Variants in CFI observed in about 807,000 individuals in gnomAD.
CFI encodes the protein C3B/C4B inactivator.
In CFI, 66 loss-of-function variants were observed where a neutral mutation model predicts 78.8. That is an observed-to-expected ratio of 0.84 (90% CI 0.69 to 1.03). The LOEUF (loss-of-function observed/expected upper bound fraction) is 1.03, where lower values mean the gene tolerates loss of function less well. CFI is among the 50% of genes least tolerant of loss of function. The pLI is 0.00. For synonymous variants in CFI, 250 were observed against 232.6 expected (o/e 1.07, Z -0.68); for missense variants, 706 against 704.5 (o/e 1.00, Z -0.02).
chr4:109,767,094 C>T (rs974362065), intron 1 of CFI, among the ~76,000 whole-genome samples: 57 of 152,296 alleles, frequency 3.7e-4, no homozygotes, highest in African/African-American at 1.3e-3. Flanking sequence ...AAAGCTGAAA[C>T]TGGATCCCTT....
intron 11 of CFI, among the ~76,000 whole-genome samples, chr4:109,743,921 G>A (rs1724116851): frequency 6.6e-6 from 1 of 152,002 alleles, no homozygotes; most frequent in African/African-American, 2.4e-5. Context: ...AGAGCTCAAG[G>A]TTGCAGTGAG....
At chr4:109,738,117 T>C (rs866284087), downstream of CFI, among the ~76,000 whole-genome samples, 1,044 of 149,796 alleles carry the variant, frequency 7.0e-3, 13 homozygotes, top group African/African-American at 0.025. Flanking sequence ...CTTTTCTTTT[T>C]TTTTTTTTTT....
At chr4:109,738,537 G>A (rs1431735127), downstream of CFI, among the ~76,000 whole-genome samples, 2 of 152,132 alleles carry the variant, frequency 1.3e-5, no homozygotes, top group Non-Finnish European at 2.9e-5. Flanking sequence ...CCTCCCTGCC[G>A]CCATCAAGAG....
intron 1 of CFI, among the ~76,000 whole-genome samples, chr4:109,778,365 A>G (rs1482087548): frequency 6.6e-6 from 1 of 152,230 alleles, no homozygotes; most frequent in African/African-American, 2.4e-5. Context: ...CTATGCAAAT[A>G]AACTAGAAAA....
chr4:109,797,724 C>T (rs183436234), intron 1 of CFI, among the ~76,000 whole-genome samples: 21 of 152,182 alleles, frequency 1.4e-4, no homozygotes, highest in Admixed American at 9.2e-4. Flanking sequence ...AGCCAAGAAC[C>T]AAATAGTCTA....
At chr4:109,751,443 T>TC (rs1253851306) in intron 8 of CFI, among the ~76,000 whole-genome samples, 1 of 141,720 alleles carries the variant, frequency 7.1e-6, no homozygotes. Context: ...TAAATCTTTT[T>TC]TTTTTTTTTT....
intron 1 of CFI, among the ~76,000 whole-genome samples, chr4:109,775,233 G>A (rs1012926419): frequency 1.3e-5 from 2 of 152,176 alleles, no homozygotes; most frequent in Non-Finnish European, 2.9e-5. Context: ...AGGGGTCAGG[G>A]AATTCCCTTT....
downstream of CFI, among the ~76,000 whole-genome samples, chr4:109,740,118 A>G (rs892917125): frequency 6.6e-6 from 1 of 152,010 alleles, no homozygotes; most frequent in Non-Finnish European, 1.5e-5. Context: ...TCAAAGCAAG[A>G]TGCCTCTCTA....
intron 7 of CFI, among the ~76,000 whole-genome samples, chr4:109,756,060 A>G (rs1164682216): frequency 1.3e-5 from 2 of 152,228 alleles, no homozygotes; most frequent in Admixed American, 6.5e-5. Context: ...TAAAAAATGT[A>G]TGCTTGCAAA....
intron 1 of CFI, among the ~76,000 whole-genome samples, chr4:109,773,682 T>C (rs1728870342): frequency 6.6e-6 from 1 of 151,858 alleles, no homozygotes; most frequent in Non-Finnish European, 1.5e-5. Context: ...GGGTGGGAGG[T>C]ATGTTAAATA....
chr4:109,757,687 C>T lies in CFI; in HGVS notation c.904+76G>A. On this transcript the variant is annotated intron_variant, in intron 7 of 12. Transcript: ENST00000394634. Reference sequence around the variant, plus strand: ...TCATATCATGCTCCATTAACAGTTACATTAAAATATAAGACCAAAGAACCT... The same window carrying T: ...TCATATCATGCTCCATTAACAGTTATATTAAAATATAAGACCAAAGAACCT... 7 of 964,478 alleles carry T rather than the reference C, an allele frequency of 7.3e-6. No individual in the cohort carries two copies. In the South Asian group the frequency reaches 1.0e-4, roughly 14 times the overall value. 59.7% of individuals were successfully genotyped at this position (964,478 alleles called of 1,614,324 possible). A position where few individuals can be genotyped will look rare whatever the true frequency, so the allele number is the denominator to read the frequency against.
intron 1 of CFI, among the ~76,000 whole-genome samples, chr4:109,799,580 G>A (rs1022387246): frequency 1.3e-5 from 2 of 152,212 alleles, no homozygotes; most frequent in African/African-American, 4.8e-5. Context: ...GAAATTGTAA[G>A]TGGAAAGGCC....
chr4:109,800,409 G>A (rs901802135), intron 1 of CFI, among the ~76,000 whole-genome samples: 1 of 121,646 alleles, frequency 8.2e-6, no homozygotes, highest in African/African-American at 3.1e-5. Context: ...AGAGCTCCCC[G>A]CAGCCTCAAA....
chr4:109,777,407 G>A (rs1729396333), intron 1 of CFI, among the ~76,000 whole-genome samples: 1 of 152,090 alleles, frequency 6.6e-6, no homozygotes, highest in African/African-American at 2.4e-5. Flanking sequence ...ATTGGTAAAG[G>A]GATCGATTCA....
chr4:109,742,670 C>T, intron 11 of CFI, 75 bp from the exon 12 acceptor site: 5 of 954,598 alleles, frequency 5.2e-6, no homozygotes, highest in Non-Finnish European at 8.5e-6. Flanking sequence ...TAACTTAAAC[C>T]ATTGGGATTA....
At chr4:109,746,170 C>A in intron 11 of CFI, 52 bp downstream of exon 11, 1 of 1,592,928 alleles carries the variant, frequency 6.3e-7, no homozygotes, top group Non-Finnish European at 8.6e-7. Flanking sequence ...CATTTCTATT[C>A]TCTTTCATTT....
chr4:109,761,883 G>A, intron 3 of CFI, 191 bp from the exon 4 acceptor site: 3 of 574,300 alleles, frequency 5.2e-6, no homozygotes, highest in South Asian at 2.0e-5. Flanking sequence ...ACCTCACTGG[G>A]TTTTGTAAAG....
chr4:109,740,334 A>G (rs986021461), downstream of CFI, among the ~76,000 whole-genome samples: 3 of 151,744 alleles, frequency 2.0e-5, no homozygotes, highest in African/African-American at 7.3e-5. Flanking sequence ...GAGAAAAAGA[A>G]AGAAAGAGAG....
At chr4:109,735,984 G>C (rs1723349502), downstream of CFI, among the ~76,000 whole-genome samples, 1 of 152,188 alleles carries the variant, frequency 6.6e-6, no homozygotes, top group Non-Finnish European at 1.5e-5. Flanking sequence ...CAGTTATCTA[G>C]GTTTTCCTTT....
Sources: allele counts gnomAD v4.1 joint callset (sites outside exome capture counted in the v4.1 genomes callset), GRCh38; gene constraint gnomAD v4.1.1; transcripts MANE v1.5; gene names NCBI Gene and HGNC (gene_info 2026-07-23, HGNC 2026-07-21).